Variants in OBSL1 observed in about 807,000 individuals in gnomAD.
The protein encoded by OBSL1 is obscurin like cytoskeletal adaptor 1.
In OBSL1, 160 loss-of-function variants were observed where a neutral mutation model predicts 172.0. That is an observed-to-expected ratio of 0.93 (90% CI 0.82 to 1.06). The LOEUF (loss-of-function observed/expected upper bound fraction) is 1.06. Among genes scored for constraint, OBSL1 ranks in the 50% least tolerant of loss-of-function variants. The pLI, the probability that OBSL1 is intolerant of heterozygous loss-of-function variation, is 0.00. For missense variants in OBSL1, 2,681 were observed against 2,715.4 expected (o/e 0.99, Z 0.28); for synonymous variants, 1,200 against 1,196.3 (o/e 1.00, Z -0.06).
rs756999388 is a variant in OBSL1, at chr2:219,563,309, C to G, written c.2680+46G>C. On this transcript the variant is annotated intron_variant, in intron 7 of 20. Transcript: ENST00000404537. ...GGTGTGGCAGCTGTTCCAGTGGGAG[C>G]AGGGGCACCTTCCCCTGTGCCTCCG... 5 of 1,504,380 alleles carry G rather than the reference C, an allele frequency of 3.3e-6. No homozygotes were observed. The African/African-American group carries it at 6.9e-5, about 21-fold the overall frequency. 93.2% of individuals were successfully genotyped at this position (1,504,380 alleles called of 1,614,324 possible).
At chr2:219,565,885 G>A (rs1696853703) in intron 5 of OBSL1, among the ~76,000 whole-genome samples, 2 of 152,174 alleles carry the variant, frequency 1.3e-5, no homozygotes, top group Admixed American at 1.3e-4. Context: ...CCGTGCATGG[G>A]TGCCGACAGA....
downstream of OBSL1, chr2:219,549,153 G>A: frequency 6.2e-7 from 1 of 1,613,832 alleles, no homozygotes. Flanking sequence ...CCACCACAGT[G>A]GTCATCAGCC....
downstream of OBSL1, chr2:219,547,806 G>A (rs894142053): frequency 3.8e-6 from 6 of 1,591,728 alleles, no homozygotes; most frequent in South Asian, 1.1e-5. Flanking sequence ...TTGCTGGGGG[G>A]CGGCCTGCTC....
Position 219,570,347 on chromosome 2 carries a change from G to C in OBSL1, c.886C>G (p.Arg296Gly). 6.2e-7 allele frequency: 1 copy of C among 1,612,692 alleles called. No homozygotes were observed. The highest frequency in any genetic ancestry group is 8.5e-7 in the Non-Finnish European group (1 of 1,179,350). ...AGCACGAAGCCGCCGTCGCGGTCGC[G>C]GTACATGAGGCGGCGGCGGTCCGGG... ...LLPDRRRLMY[R>G]DRDGGFVLKV... is the part of the protein sequence containing the mutation. Residue 296 changes from arginine (R) to glycine (G), a missense_variant, in exon 1 of 21, where the codon CGC becomes GGC. By Grantham distance (125) the Arg-to-Gly change is moderately radical. Coordinates refer to ENST00000404537, the MANE Select transcript of OBSL1 (RefSeq NM_015311.3).
chr2:219,557,488 C>T lies in OBSL1; in HGVS notation c.3921G>A (p.Glu1307=), dbSNP rs1442650949. 2 of 1,552,976 alleles carry T rather than the reference C, an allele frequency of 1.3e-6. No individual in the cohort carries two copies. The highest frequency in any genetic ancestry group is 1.7e-6 in the Non-Finnish European group (2 of 1,148,930). ...GCACCCGCCCCTGGCTTGCCAGTCG[C>T]TCCCCGTCCTTGTACCAGCGTACAG... ...GGPVRWYKDG[E]RLASQGRVQL... is the part of the protein sequence containing the mutation. Residue 1307 remains glutamate, a synonymous_variant, in exon 12 of 21, where the codon GAG becomes GAA. Transcript: ENST00000404537.
chr2:219,557,527 G>A lies in OBSL1; in HGVS notation c.3882C>T (p.Ser1294=), dbSNP rs775340849. 2.4e-5 allele frequency: 37 copies of A among 1,553,162 alleles called. No homozygotes were observed. The Middle Eastern group carries it at 2.0e-3, about 84-fold the overall frequency. The change falls in exon 12 of 21, where the codon TCC becomes TCT. Residue 1294 remains serine (S), a synonymous_variant. Coordinates refer to ENST00000404537, the MANE Select transcript of OBSL1 (RefSeq NM_015311.3). The part of the protein sequence containing the change: ...GGDLELVVHL[S]GPGGPVRWYK... The stretch of plus-strand genomic sequence containing the variant: ...ACCAGCGTACAGGGCCCCCTGGCCC[G>A]GAGAGGTGCACCACCAGCTCTAGGT...
chr2:219,557,661 G>C, intron 11 of OBSL1, 43 bp from the exon 12 acceptor site: 1 of 1,507,868 alleles, frequency 6.6e-7, no homozygotes, highest in East Asian at 2.4e-5. Flanking sequence ...GAGAGGCTCA[G>C]GGCTTTGAGG....
At chr2:219,556,392 G>C in intron 13 of OBSL1, 62 bp downstream of exon 13, 1 of 1,598,536 alleles carries the variant, frequency 6.3e-7, no homozygotes, top group South Asian at 1.1e-5. Flanking sequence ...CAAGGCTGCT[G>C]GAATCCTGGT....
intron 5 of OBSL1, 110 bp downstream of exon 5, chr2:219,566,720 T>G (rs982943814): frequency 3.2e-6 from 4 of 1,267,702 alleles, no homozygotes; most frequent in Non-Finnish European, 4.3e-6. Flanking sequence ...GGATGCTCCT[T>G]GCTCTCCTGG....
intron 12 of OBSL1, 178 bp from the exon 13 acceptor site, chr2:219,556,901 T>C: frequency 1.5e-6 from 1 of 665,642 alleles, no homozygotes. Context: ...CTGCCACTCC[T>C]TTTAGTCAGT....
In OBSL1 at chr2:219,550,752, C is replaced by T; in HGVS notation, c.*83G>A. On this transcript the variant is annotated 3_prime_UTR_variant, in exon 21 of 21. Transcript: ENST00000404537. Reference sequence around the variant, plus strand: ...ATGAGCTGTAGCACTTTTATTGTTCCTTGTCTCTCTACCCCTGCCCAGGGT... The same window carrying T: ...ATGAGCTGTAGCACTTTTATTGTTCTTTGTCTCTCTACCCCTGCCCAGGGT... The T allele has an allele frequency of 6.5e-7, 1 of 1,544,690 alleles. No homozygotes were observed. The highest frequency in any genetic ancestry group is 8.8e-7 in the Non-Finnish European group (1 of 1,135,570).
chr2:219,549,157 A>G, downstream of OBSL1: 1 of 1,613,872 alleles, frequency 6.2e-7, no homozygotes, highest in Non-Finnish European at 8.5e-7. Flanking sequence ...CACAGTGGTC[A>G]TCAGCCGGCA....
At chr2:219,552,788 G>C (rs2106010275) in intron 17 of OBSL1, 80 bp downstream of exon 17, 1 of 1,518,486 alleles carries the variant, frequency 6.6e-7, no homozygotes. Flanking sequence ...AGCACGCGCG[G>C]TCATCAGGGT....
At chr2:219,559,123 G>T (rs905352325) in intron 9 of OBSL1, 102 bp downstream of exon 9, 19 of 1,162,072 alleles carry the variant, frequency 1.6e-5, no homozygotes, top group Non-Finnish European at 2.3e-5. Context: ...AGCTGGATAA[G>T]GGGAAGGCTG....
intron 7 of OBSL1, chr2:219,563,132 T>C (rs1335917711): frequency 3.7e-6 from 2 of 536,500 alleles, no homozygotes; most frequent in East Asian, 2.9e-5. Flanking sequence ...TTCAGGAGAA[T>C]AGAGAAAGCC....
rs762589782 is a variant in OBSL1, at chr2:219,558,063, A to G, written c.3550T>C (p.Cys1184Arg). Residue 1184 changes from cysteine (C) to arginine (R), a missense_variant, in exon 11 of 21, where the codon TGT (cysteine) becomes CGT (arginine). Physicochemically the swap from Cys to Arg is radical, Grantham distance 180. Coordinates refer to ENST00000404537, the MANE Select transcript of OBSL1 (RefSeq NM_015311.3). ...LALETTPSPL[C>R]VAPGEPVVLS... Reference sequence around the variant, plus strand: ...ACCACTGGCTCCCCAGGGGCCACACAGAGCGGGCTTGGAGTTGTCTCTAGA... The same window carrying G: ...ACCACTGGCTCCCCAGGGGCCACACGGAGCGGGCTTGGAGTTGTCTCTAGA... 8 of 1,613,718 alleles carry G rather than the reference A, an allele frequency of 5.0e-6. No homozygotes were observed. The highest frequency in any genetic ancestry group is 6.8e-6 in the Non-Finnish European group (8 of 1,179,858).
intron 6 of OBSL1, among the ~76,000 whole-genome samples, chr2:219,564,719 G>A (rs1442345755): frequency 2.0e-5 from 3 of 152,180 alleles, no homozygotes; most frequent in Non-Finnish European, 4.4e-5. Flanking sequence ...AAGGAGGATC[G>A]TTTGAGCACA....
intron 12 of OBSL1, 87 bp downstream of exon 12, chr2:219,557,256 G>T (rs1053327677): frequency 3.1e-6 from 4 of 1,309,854 alleles, no homozygotes; most frequent in Admixed American, 5.9e-5. Context: ...GCAGCAAAGC[G>T]GGGGTGGAGG....
rs781319450 is a variant in OBSL1, at chr2:219,556,482, C to G, written c.4308G>C (p.Thr1436=). 2 of 1,613,792 alleles carry G rather than the reference C, an allele frequency of 1.2e-6. No homozygotes were observed. The highest frequency in any genetic ancestry group is 1.7e-6 in the Non-Finnish European group (2 of 1,179,892). ...AGTVTLRAGS[T]ATSARLHVRE... ...GAACATGGAGCCGGGCACTTGTGGC[C>G]GTGCTCCCTGCCCGCAAAGTCACGG... The change falls in exon 13 of 21, where the codon ACG becomes ACC. Residue 1436 remains threonine (T), a synonymous_variant. Coordinates refer to ENST00000404537, the MANE Select transcript of OBSL1 (RefSeq NM_015311.3).
Sources: allele counts gnomAD v4.1 joint callset (sites outside exome capture counted in the v4.1 genomes callset), GRCh38; gene constraint gnomAD v4.1.1; transcripts MANE v1.5; gene names NCBI Gene and HGNC (gene_info 2026-07-23, HGNC 2026-07-21).